The following NT5C2 variants were observed in gnomAD, a reference collection of about 807,000 sequenced individuals.
NT5C2 encodes the protein cytosolic purine 5'-nucleotidase.
In NT5C2, 58 loss-of-function variants were observed where a neutral mutation model predicts 76.1. The ratio of observed to expected loss-of-function variants is 0.76; its 90% CI spans 0.62 to 0.95. NT5C2 has a LOEUF of 0.95. NT5C2 is among the 40% of genes least tolerant of loss of function. The pLI, the probability that NT5C2 is intolerant of heterozygous loss-of-function variation, is 0.00. For missense variants in NT5C2, 478 were observed against 690.3 expected (o/e 0.69, Z 3.45); for synonymous variants, 229 against 237.4 (o/e 0.96, Z 0.32).
At chr10:103,153,186 C>T in intron 3 of NT5C2, 1 of 697,252 alleles carries the variant, frequency 1.4e-6, no homozygotes, top group Non-Finnish European at 2.0e-6. Flanking sequence ...TCTGCCTCTA[C>T]CTCCACTCTC....
chr10:103,131,444 T>C (rs1263481824), intron 4 of NT5C2, among the ~76,000 whole-genome samples: 1 of 152,204 alleles, frequency 6.6e-6, no homozygotes, highest in African/African-American at 2.4e-5. Context: ...ATTGGTGTCC[T>C]CTTTTATAAA....
At chr10:103,123,046 G>A (rs1252247688) in intron 4 of NT5C2, among the ~76,000 whole-genome samples, 1 of 152,008 alleles carries the variant, frequency 6.6e-6, no homozygotes, top group African/African-American at 2.4e-5. Flanking sequence ...CCGCAACCAT[G>A]AACCTAAGAT....
At chr10:103,180,145 T>C (rs1178166395) in intron 2 of NT5C2, among the ~76,000 whole-genome samples, 1 of 152,204 alleles carries the variant, frequency 6.6e-6, no homozygotes, top group Non-Finnish European at 1.5e-5. Flanking sequence ...AATAAGCATA[T>C]GAAGTGATGT....
intron 3 of NT5C2, among the ~76,000 whole-genome samples, chr10:103,162,389 G>A (rs2085137381): frequency 6.6e-6 from 1 of 152,020 alleles, no homozygotes; most frequent in Admixed American, 6.6e-5. Context: ...CAACACAATT[G>A]GCAAACAACT....
chr10:103,189,908 G>GGTCATTCACTCCGCTCTAATTGCAAAGA (rs1554847891), intron 1 of NT5C2, among the ~76,000 whole-genome samples: 3 of 151,326 alleles, frequency 2.0e-5, no homozygotes, highest in South Asian at 4.2e-4. Flanking sequence ...GACCTCAGGT[G>GGTCATTCACTCCGCTCTAATTGCAAAGA]ATCCACCTGC....
intron 3 of NT5C2, among the ~76,000 whole-genome samples, chr10:103,168,874 T>C (rs534233518): frequency 2.4e-4 from 37 of 152,244 alleles, no homozygotes; most frequent in Middle Eastern, 3.2e-3. Context: ...TTTGTGATAA[T>C]GATCAGCATA....
At chr10:103,152,129 G>A (rs2082517462) in intron 3 of NT5C2, among the ~76,000 whole-genome samples, 1 of 152,136 alleles carries the variant, frequency 6.6e-6, no homozygotes, top group South Asian at 2.1e-4. Flanking sequence ...ACAACCCTGT[G>A]TACAAGATTG....
chr10:103,135,010 T>C (rs761056275), intron 4 of NT5C2, among the ~76,000 whole-genome samples: 7 of 152,274 alleles, frequency 4.6e-5, no homozygotes, highest in South Asian at 2.1e-4. Context: ...TGTATCCCCA[T>C]TGTATGTAAG....
chr10:103,102,260 TG>T (rs2135126982), intron 6 of NT5C2, among the ~76,000 whole-genome samples: 1 of 152,120 alleles, frequency 6.6e-6, no homozygotes, highest in East Asian at 1.9e-4. Context: ...TAGAAAAACA[TG>T]TGTGTATTGA....
Position 103,090,861 on chromosome 10 carries a change from C to G in NT5C2, c.1273-74G>C, listed in dbSNP as rs529790173. On this transcript the variant is annotated intron_variant, in intron 17 of 18. Coordinates refer to ENST00000404739, the MANE Select transcript of NT5C2 (RefSeq NM_001351169.2). ...TTGAGCAGTAGTTGAATGCTAGTCTCTATAATAAATCAGGAATGTGAAAAA... is the reference window on the plus strand; with the variant it reads ...TTGAGCAGTAGTTGAATGCTAGTCTGTATAATAAATCAGGAATGTGAAAAA... 10 of 1,594,526 alleles carry G rather than the reference C, an allele frequency of 6.3e-6. No homozygotes were observed. In the Admixed American group the frequency reaches 1.3e-4, roughly 21 times the overall value.
Position 103,139,440 on chromosome 10 carries a change from C to G in NT5C2, c.141G>C (p.Lys47Asn), listed in dbSNP as rs72846108. 1.6e-4 allele frequency: 259 copies of G among 1,583,030 alleles called. No homozygotes were observed. Among genetic ancestry groups the G allele is most frequent in the Non-Finnish European group, 2.1e-4 (248 of 1,161,224 alleles). The change falls in exon 4 of 19, where the codon AAG (lysine) becomes AAC (asparagine). Residue 47 changes from lysine (K) to asparagine (N), a missense_variant. Transcript: ENST00000404739. ...VNRSLAMEKI[K>N]CFGFDMDYTL... ...TATAATCCATATCAAAACCAAAACA[C>G]TTTATCTTTTCCATTGCTAAACTTC...
At chr10:103,173,566 C>T (rs1404761503) in intron 3 of NT5C2, among the ~76,000 whole-genome samples, 1 of 137,832 alleles carries the variant, frequency 7.3e-6, no homozygotes, top group Admixed American at 7.9e-5. Context: ...GCAGTGAGAT[C>T]GTGCTACTGC....
chr10:103,185,694 G>A (rs1004576586), intron 1 of NT5C2, among the ~76,000 whole-genome samples: 13 of 147,092 alleles, frequency 8.8e-5, no homozygotes. Context: ...GTAAAAAACT[G>A]CTTTATTTCA....
At chr10:103,091,025 ATC>A in intron 16 of NT5C2, 29 bp from the exon 17 acceptor site, 1 of 1,598,610 alleles carries the variant, frequency 6.3e-7, no homozygotes, top group Non-Finnish European at 8.6e-7. Flanking sequence ...CTCAGTGAAA[ATC>A]TCTGGGAAGA....
chr10:103,106,599 A>AT lies in NT5C2; in HGVS notation c.282dup (p.Phe95IlefsTer9). 6.3e-7 allele frequency: 1 copy of AT among 1,598,262 alleles called. No individual in the cohort carries two copies. The highest frequency in any genetic ancestry group is 8.6e-7 in the Non-Finnish European group (1 of 1,165,648). On this transcript the variant is annotated frameshift_variant, in exon 5 of 19. Coordinates refer to ENST00000404739, the MANE Select transcript of NT5C2 (RefSeq NM_001351169.2). LOFTEE classifies it high-confidence loss of function. Reference sequence around the variant, plus strand: ...ATCTTTAAAAATTACCTGGTAGGGAATGTAGAATCATAAGCAAAGCTGAGC... The same window carrying AT: ...ATCTTTAAAAATTACCTGGTAGGGAATTGTAGAATCATAAGCAAAGCTGAGC...
At chr10:103,173,244 C>A (rs1275162915) in intron 3 of NT5C2, among the ~76,000 whole-genome samples, 1 of 152,120 alleles carries the variant, frequency 6.6e-6, no homozygotes, top group African/African-American at 2.4e-5. Flanking sequence ...CACATTCAAT[C>A]TAACACACAG....
intron 1 of NT5C2, among the ~76,000 whole-genome samples, chr10:103,191,698 T>A (rs1162117906): frequency 1.4e-5 from 2 of 143,862 alleles, no homozygotes; most frequent in African/African-American, 5.2e-5. Flanking sequence ...TTGCATAACA[T>A]CTCCTTCAGA....
At chr10:103,163,345 G>A (rs1345180573) in intron 3 of NT5C2, among the ~76,000 whole-genome samples, 1 of 152,148 alleles carries the variant, frequency 6.6e-6, no homozygotes, top group East Asian at 1.9e-4. Flanking sequence ...AACTTGATAA[G>A]AAACTGCCAA....
At chr10:103,108,919 C>T (rs900173167) in intron 4 of NT5C2, among the ~76,000 whole-genome samples, 15 of 151,850 alleles carry the variant, frequency 9.9e-5, no homozygotes, top group Admixed American at 3.3e-4. Flanking sequence ...GTGCAGTGGC[C>T]GTGATCTTGA....
Sources: allele counts gnomAD v4.1 joint callset (sites outside exome capture counted in the v4.1 genomes callset), GRCh38; gene constraint gnomAD v4.1.1; transcripts MANE v1.5; gene names NCBI Gene and HGNC (gene_info 2026-07-23, HGNC 2026-07-21).